Variants in DLG2 observed in about 807,000 individuals in gnomAD.
DLG2 encodes the protein discs large MAGUK scaffold protein 2.
Under a neutral mutation model 132.5 loss-of-function variants are expected in DLG2, and 45 were observed. The observed-to-expected ratio is 0.34, with a 90% CI of 0.27 to 0.44. The LOEUF is 0.44. Ranked by LOEUF, DLG2 falls within the 20% of genes least tolerant of loss-of-function variation. The probability of loss-of-function intolerance (pLI) is 1.00; values close to 1 mark genes in which losing one functional copy is unlikely to be tolerated. For missense variants in DLG2, 1,045 were observed against 1,196.9 expected (o/e 0.87, Z 1.87); for synonymous variants, 424 against 419.6 (o/e 1.01, Z -0.13).
intron 8 of DLG2, among the ~76,000 whole-genome samples, chr11:84,233,399 G>GA (rs576632663): frequency 4.7e-4 from 71 of 152,250 alleles, no homozygotes; most frequent in African/African-American, 1.7e-3. Flanking sequence ...AAATCAAGCT[G>GA]AAAACATAAA....
chr11:84,357,270 T>G (rs1344378143), intron 7 of DLG2, among the ~76,000 whole-genome samples: 1 of 151,972 alleles, frequency 6.6e-6, no homozygotes, highest in East Asian at 1.9e-4. Flanking sequence ...CATCAACATG[T>G]GAGATATACA....
chr11:85,523,955 A>G (rs1251339582), intron 3 of DLG2, among the ~76,000 whole-genome samples: 1 of 152,224 alleles, frequency 6.6e-6, no homozygotes, highest in Non-Finnish European at 1.5e-5. Flanking sequence ...GCTGGAGGTC[A>G]TTACGTAAAG....
chr11:84,091,330 A>G (rs187936143), intron 10 of DLG2, among the ~76,000 whole-genome samples: 137 of 152,206 alleles, frequency 9.0e-4, no homozygotes, highest in African/African-American at 3.3e-3. Flanking sequence ...CCCTCACTCC[A>G]GCTCAGATTC....
In DLG2 at chr11:83,833,916, A is replaced by G. The variant is rs1013489339; in HGVS notation, c.1566-146T>C. On this transcript the variant is annotated intron_variant, in intron 16 of 27. Transcript: ENST00000376104. The stretch of plus-strand genomic sequence containing the variant: ...TAAGATAACATTTGCACATCAAGAA[A>G]GAGGCTAATATCAGGACAGATGTTT... 14 of 806,044 alleles carry G rather than the reference A, an allele frequency of 1.7e-5. No individual in the cohort carries two copies. In the Admixed American group the frequency reaches 2.4e-4, roughly 14 times the overall value. 49.9% of individuals were successfully genotyped at this position (806,044 alleles called of 1,614,324 possible). A position where few individuals can be genotyped will look rare whatever the true frequency, so the allele number is the denominator to read the frequency against.
chr11:84,226,153 A>G (rs2096990263), intron 8 of DLG2, among the ~76,000 whole-genome samples: 1 of 152,190 alleles, frequency 6.6e-6, no homozygotes, highest in South Asian at 2.1e-4. Context: ...CTTTTATTTA[A>G]AATTTGGTTA....
At chr11:84,015,747 G>A (rs2095145444) in intron 11 of DLG2, among the ~76,000 whole-genome samples, 2 of 152,068 alleles carry the variant, frequency 1.3e-5, no homozygotes, top group Admixed American at 1.3e-4. Flanking sequence ...AGCATTCCAT[G>A]GTGTATATGT....
intron 17 of DLG2, chr11:83,790,025 T>C (rs1034084205): frequency 7.3e-6 from 10 of 1,363,294 alleles, no homozygotes; most frequent in Middle Eastern, 2.4e-4. Context: ...AGGCAGTTTC[T>C]GAATTAAGTC....
In DLG2 at chr11:83,457,313, A is replaced by G. The variant is rs953235268; in HGVS notation, c.*2505T>C. On this transcript the variant is annotated 3_prime_UTR_variant, in exon 28 of 28. Coordinates refer to ENST00000376104, the MANE Select transcript of DLG2 (RefSeq NM_001142699.3). ...GTTCATTGGAGCCATAGAGACATCA[A>G]CATTGGGAAGTGCAAGACAACACAA... is the stretch of plus-strand genomic sequence containing the variant. The G allele has an allele frequency of 1.3e-5, 2 of 152,676 alleles. No individual in the cohort carries two copies. The highest frequency in any genetic ancestry group is 2.9e-5 in the Non-Finnish European group (2 of 68,052). 9.5% of individuals were successfully genotyped at this position (152,676 alleles called of 1,614,324 possible). A position where few individuals can be genotyped will look rare whatever the true frequency, so the allele number is the denominator to read the frequency against.
At chr11:85,246,545 A>G (rs1393959847) in intron 4 of DLG2, among the ~76,000 whole-genome samples, 1 of 142,762 alleles carries the variant, frequency 7.0e-6, no homozygotes. Context: ...CCTCCCCCTC[A>G]CCCCCTCCCT....
At chr11:83,830,715 G>A (rs1470941587) in intron 17 of DLG2, among the ~76,000 whole-genome samples, 1 of 152,198 alleles carries the variant, frequency 6.6e-6, no homozygotes, top group Non-Finnish European at 1.5e-5. Context: ...ACTGACTTGA[G>A]TTCAGCTTTA....
chr11:84,083,329 G>T (rs2096930099), intron 10 of DLG2, among the ~76,000 whole-genome samples: 1 of 151,976 alleles, frequency 6.6e-6, no homozygotes, highest in South Asian at 2.1e-4. Context: ...AAATAAATGT[G>T]GTATCATTAA....
intron 6 of DLG2, among the ~76,000 whole-genome samples, chr11:84,867,990 C>G (rs532384773): frequency 0.01 from 1,529 of 151,990 alleles, 31 homozygotes; most frequent in African/African-American, 0.034. Flanking sequence ...AGGAGAATGG[C>G]GTGAACCCGG....
chr11:83,610,375 T>C (rs906550175), intron 19 of DLG2, among the ~76,000 whole-genome samples: 1 of 152,106 alleles, frequency 6.6e-6, no homozygotes, highest in Admixed American at 6.5e-5. Context: ...TGTATCAGTG[T>C]GGGAAAAAGG....
intron 16 of DLG2, among the ~76,000 whole-genome samples, chr11:83,868,105 C>G (rs535840389): frequency 6.6e-6 from 1 of 152,106 alleles, no homozygotes; most frequent in Non-Finnish European, 1.5e-5. Context: ...CAGCGATGGT[C>G]AGAGGAATTT....
chr11:85,489,238 CACAA>C (rs1597850594), intron 3 of DLG2, among the ~76,000 whole-genome samples: 2 of 151,942 alleles, frequency 1.3e-5, no homozygotes, highest in East Asian at 3.9e-4. Flanking sequence ...GAATATTCCA[CACAA>C]ACAAAAACCA....
chr11:83,830,185 G>T (rs942241588), intron 17 of DLG2, among the ~76,000 whole-genome samples: 1 of 152,140 alleles, frequency 6.6e-6, no homozygotes. Flanking sequence ...ACATAAAAAC[G>T]GATATGCTGT....
intron 3 of DLG2, among the ~76,000 whole-genome samples, chr11:85,526,191 T>C (rs1402056856): frequency 6.6e-6 from 1 of 152,116 alleles, no homozygotes; most frequent in African/African-American, 2.4e-5. Flanking sequence ...ATTAAAAGGA[T>C]AAAACAGATT....
intron 21 of DLG2, among the ~76,000 whole-genome samples, chr11:83,487,298 TCTAA>T (rs372428913): frequency 0.014 from 2,003 of 146,946 alleles, 18 homozygotes; most frequent in Non-Finnish European, 0.02. Flanking sequence ...AATGTTGAGT[TCTAA>T]CTATTAAAGA....
chr11:84,939,824 A>G (rs760342945), intron 6 of DLG2, among the ~76,000 whole-genome samples: 1 of 152,146 alleles, frequency 6.6e-6, no homozygotes, highest in Non-Finnish European at 1.5e-5. Flanking sequence ...CCATTTGTCT[A>G]TTGATGGACA....
Sources: allele counts gnomAD v4.1 joint callset (sites outside exome capture counted in the v4.1 genomes callset), GRCh38; gene constraint gnomAD v4.1.1; transcripts MANE v1.5; gene names NCBI Gene and HGNC (gene_info 2026-07-23, HGNC 2026-07-21).